Variants in PSD3 observed in about 807,000 individuals in gnomAD.
The protein encoded by PSD3 is PH and SEC7 domain-containing protein 3.
Under a neutral mutation model 105.5 loss-of-function variants are expected in PSD3, and 49 were observed. The ratio of observed to expected loss-of-function variants is 0.46; its 90% CI spans 0.37 to 0.59. PSD3 has a LOEUF of 0.59. Ranked by LOEUF, PSD3 falls within the 20% of genes least tolerant of loss-of-function variation. The pLI, the probability that PSD3 is intolerant of heterozygous loss-of-function variation, is 0.00. For missense variants in PSD3, 1,561 were observed against 1,263.8 expected, an observed-to-expected ratio of 1.24 and a Z score of -3.57; for synonymous variants, 557 against 457.8, an observed-to-expected ratio of 1.22 and a Z score of -2.77.
intron 4 of PSD3, among the ~76,000 whole-genome samples, chr8:18,850,598 G>T (rs752697793): frequency 6.6e-6 from 1 of 152,144 alleles, no homozygotes; most frequent in Non-Finnish European, 1.5e-5. Context: ...GACAATTGTC[G>T]TAAGTTATTT....
At chr8:18,607,681 T>TAAA (rs1804944679) in intron 11 of PSD3, among the ~76,000 whole-genome samples, 1 of 32,082 alleles carries the variant, frequency 3.1e-5, no homozygotes, top group Non-Finnish European at 7.0e-5. Flanking sequence ...ACTCCACTGC[T>TAAA]ACAAAAAAAA....
intron 1 of PSD3, among the ~76,000 whole-genome samples, chr8:19,069,516 G>A (rs1174925494): frequency 2.0e-5 from 3 of 152,174 alleles, no homozygotes; most frequent in Non-Finnish European, 4.4e-5. Context: ...CTGTGCAAAC[G>A]TGGATCTTCC....
rs1799809175 is a variant in PSD3 at position 18,535,687 on chromosome 8, A to C, written c.*56T>G. The C allele has an allele frequency of 1.4e-5, 19 of 1,392,312 alleles. No individual in the cohort carries two copies. The highest frequency in any genetic ancestry group is 1.8e-5 in the Non-Finnish European group (18 of 982,132). 86.2% of individuals were successfully genotyped at this position (1,392,312 alleles called of 1,614,324 possible). A position where few individuals can be genotyped will look rare whatever the true frequency, so the allele number is the denominator to read the frequency against. ...AATATATTCACGGATTACCAGAAAG[A>C]TCTTGAAAAACCCTATTTTGCTCCA... On this transcript the variant is annotated 3_prime_UTR_variant, in exon 16 of 16. Transcript: ENST00000327040.
In PSD3 at chr8:18,529,906, G is replaced by C. The variant is rs562439917; in HGVS notation, c.*5837C>G. ...ACCCTGCCAATCATTCACAGAGCCAGTCCACTGCACGTCAAGAACCAATTA... is the reference window on the plus strand; with the variant it reads ...ACCCTGCCAATCATTCACAGAGCCACTCCACTGCACGTCAAGAACCAATTA... On this transcript the variant is annotated 3_prime_UTR_variant, in exon 16 of 16. Coordinates refer to ENST00000327040, the MANE Select transcript of PSD3 (RefSeq NM_015310.4). 4 of 152,472 alleles carry C rather than the reference G, an allele frequency of 2.6e-5. No individual in the cohort carries two copies. The highest frequency in any genetic ancestry group is 2.1e-4 in the South Asian group (1 of 4,832). 9.4% of individuals were successfully genotyped at this position (152,472 alleles called of 1,614,324 possible).
At chr8:18,835,773 C>T (rs1481437320) in intron 4 of PSD3, among the ~76,000 whole-genome samples, 1 of 152,202 alleles carries the variant, frequency 6.6e-6, no homozygotes, top group Non-Finnish European at 1.5e-5. Flanking sequence ...GAGGTGGAAG[C>T]ATGCCCGGCG....
intron 9 of PSD3, among the ~76,000 whole-genome samples, chr8:18,704,763 C>T (rs1050087500): frequency 1.3e-5 from 2 of 151,956 alleles, no homozygotes; most frequent in East Asian, 1.9e-4. Flanking sequence ...TGTCTTTGTC[C>T]AGCTTATGAT....
intron 9 of PSD3, among the ~76,000 whole-genome samples, chr8:18,753,476 G>A (rs989582946): frequency 2.6e-5 from 4 of 152,102 alleles, no homozygotes; most frequent in Non-Finnish European, 5.9e-5. Context: ...TGCAAGATCT[G>A]GATAATGTGG....
At chr8:18,724,593 C>A (rs916636349) in intron 9 of PSD3, among the ~76,000 whole-genome samples, 1 of 152,026 alleles carries the variant, frequency 6.6e-6, no homozygotes, top group South Asian at 2.1e-4. Flanking sequence ...GCCTGGGTGA[C>A]AGAGTGAGAC....
At chr8:18,901,508 C>A (rs1472620281) in intron 2 of PSD3, among the ~76,000 whole-genome samples, 3 of 152,144 alleles carry the variant, frequency 2.0e-5, no homozygotes, top group Non-Finnish European at 4.4e-5. Flanking sequence ...TTGTTCCTTT[C>A]TTCCTCCTTT....
intron 9 of PSD3, among the ~76,000 whole-genome samples, chr8:18,753,371 A>T (rs994641060): frequency 3.3e-5 from 5 of 151,676 alleles, no homozygotes; most frequent in Non-Finnish European, 7.4e-5. Flanking sequence ...AAAAAAATCC[A>T]CACAAAAGAA....
chr8:18,668,962 G>A (rs555703147), intron 9 of PSD3, among the ~76,000 whole-genome samples: 2 of 152,116 alleles, frequency 1.3e-5, no homozygotes, highest in African/African-American at 2.4e-5. Flanking sequence ...TTTTCACAGG[G>A]AAAGATATCC....
At chr8:18,616,789 CATTTTTTGTATT>C (rs1805718701) in intron 11 of PSD3, among the ~76,000 whole-genome samples, 1 of 150,982 alleles carries the variant, frequency 6.6e-6, no homozygotes, top group Admixed American at 6.6e-5. Flanking sequence ...ACGCCCGGCT[CATTTTTTGTATT>C]TTTAGTAGAG....
chr8:18,578,360 G>C lies in PSD3; in HGVS notation c.2482-3075C>G, dbSNP rs570046094. 1.8e-4 allele frequency among the ~76,000 whole-genome samples: 28 copies of C among 152,214 alleles called. No individual in the cohort carries two copies. The South Asian group carries it at 5.8e-3, about 32-fold the overall frequency. On this transcript the variant is annotated intron_variant, in intron 12 of 15. Coordinates refer to ENST00000327040, the MANE Select transcript of PSD3 (RefSeq NM_015310.4). The stretch of plus-strand genomic sequence containing the variant: ...AGCTAAGACAGATTTAAGGTCTCCA[G>C]CTACGGCTGCATCCAGTGCCAACCT...
intron 14 of PSD3, among the ~76,000 whole-genome samples, chr8:18,563,289 C>G (rs1331398282): frequency 6.6e-6 from 1 of 152,092 alleles, no homozygotes; most frequent in African/African-American, 2.4e-5. Flanking sequence ...CCCACAAAAC[C>G]TAACATAGTA....
intron 10 of PSD3, among the ~76,000 whole-genome samples, chr8:18,646,940 T>A (rs1039180360): frequency 6.6e-6 from 1 of 152,168 alleles, no homozygotes; most frequent in East Asian, 1.9e-4. Flanking sequence ...CAATTTCATA[T>A]TTAGGCCATT....
intron 10 of PSD3, 87 bp from the exon 11 acceptor site, chr8:18,632,893 T>C (rs1044691238): frequency 1.1e-5 from 11 of 1,040,430 alleles, no homozygotes; most frequent in Non-Finnish European, 1.5e-5. Context: ...AACTACATTG[T>C]ATTCCAATGG....
At chr8:19,009,410 C>T (rs1030162089) in intron 1 of PSD3, among the ~76,000 whole-genome samples, 1 of 152,166 alleles carries the variant, frequency 6.6e-6, no homozygotes. Flanking sequence ...CACTTACTCA[C>T]TGTGGGATCT....
At chr8:18,918,181 G>C (rs1402877926) in intron 2 of PSD3, among the ~76,000 whole-genome samples, 3 of 152,116 alleles carry the variant, frequency 2.0e-5, no homozygotes, top group African/African-American at 7.2e-5. Context: ...CTAGTTCATT[G>C]CTCCCTCTTG....
At chr8:18,945,245 C>T (rs1822787819) in intron 1 of PSD3, among the ~76,000 whole-genome samples, 1 of 152,200 alleles carries the variant, frequency 6.6e-6, no homozygotes, top group African/African-American at 2.4e-5. Flanking sequence ...GGAGGGCTAT[C>T]TTGGATTAGC....
Sources: gnomAD v4.1 joint callset for allele counts (sites outside exome capture counted in the v4.1 genomes callset) on GRCh38, gnomAD v4.1.1 for gene constraint, MANE v1.5 for transcripts, NCBI Gene and HGNC (gene_info 2026-07-23, HGNC 2026-07-21) for gene names.